MAGI1: variants seen among roughly 807,000 people sequenced by gnomAD.
MAGI1 encodes the protein membrane-associated guanylate kinase, WW and PDZ domain-containing protein 1.
MAGI1 carries 58 observed loss-of-function variants against 139.9 expected under a neutral mutation model. The ratio of observed to expected loss-of-function variants is 0.41; its 90% CI spans 0.34 to 0.52. The LOEUF (loss-of-function observed/expected upper bound fraction) is 0.52. Ranked by LOEUF, MAGI1 falls within the 20% of genes least tolerant of loss-of-function variation. The pLI is 0.12. For missense variants in MAGI1, 1,874 were observed against 1,901.6 expected, an observed-to-expected ratio of 0.99 and a Z score of 0.27; for synonymous variants, 812 against 737.9, an observed-to-expected ratio of 1.10 and a Z score of -1.63.
chr3:65,395,825 T>C (rs1432001554), intron 13 of MAGI1, among the ~76,000 whole-genome samples: 1 of 151,484 alleles, frequency 6.6e-6, no homozygotes, highest in Non-Finnish European at 1.5e-5. Context: ...ATTAATGAAT[T>C]TCAAGTGGGG....
chr3:65,636,917 C>A (rs993670458), intron 1 of MAGI1, among the ~76,000 whole-genome samples: 2 of 149,268 alleles, frequency 1.3e-5, no homozygotes, highest in Non-Finnish European at 2.9e-5. Flanking sequence ...CAAATCTTAT[C>A]CCCTCAGCAC....
chr3:66,003,454 G>C lies in MAGI1; in HGVS notation c.313+34542C>G, dbSNP rs567432502. ...GTGGATCACAAGGTTAGGAGTTCGAGACCAGCCTGGCCCAACATGGTGAAA... is the reference window on the plus strand; with the variant it reads ...GTGGATCACAAGGTTAGGAGTTCGACACCAGCCTGGCCCAACATGGTGAAA... On this transcript the variant is annotated intron_variant, in intron 1 of 22. Transcript: ENST00000402939. Among the ~76,000 whole-genome samples, 77 of 152,130 alleles carry C rather than the reference G, an allele frequency of 5.1e-4. 2 individuals carry two copies. Among genetic ancestry groups the C allele is most frequent in the Middle Eastern group, 3.4e-3 (1 of 294 alleles).
intron 3 of MAGI1, among the ~76,000 whole-genome samples, chr3:65,484,434 G>A (rs1951492565): frequency 6.6e-6 from 1 of 152,168 alleles, no homozygotes; most frequent in Non-Finnish European, 1.5e-5. Flanking sequence ...TTTCAACGGG[G>A]CAATATCACC....
At chr3:65,883,464 C>A (rs2060414432) in intron 1 of MAGI1, among the ~76,000 whole-genome samples, 2 of 152,152 alleles carry the variant, frequency 1.3e-5, no homozygotes, top group Admixed American at 6.5e-5. Context: ...ACTTGCTAGA[C>A]AAACAATTCT....
At chr3:65,656,593 C>T (rs1576620087) in intron 1 of MAGI1, among the ~76,000 whole-genome samples, 1 of 147,914 alleles carries the variant, frequency 6.8e-6, no homozygotes, top group African/African-American at 2.4e-5. Flanking sequence ...AAACTTCTTA[C>T]TCCGAGTGGG....
chr3:65,955,310 A>T lies in MAGI1; in HGVS notation c.313+82686T>A, dbSNP rs113526898. ...CACTTGAGCCCAGCAGTTCAGGGCC[A>T]GCCTGGACAACACTGCCTCTTAAAA... On this transcript the variant is annotated intron_variant, in intron 1 of 22. Transcript: ENST00000402939. 9.8e-3 allele frequency among the ~76,000 whole-genome samples: 1,494 copies of T among 152,344 alleles called. 23 individuals carry two copies. The highest frequency in any genetic ancestry group is 0.034 in the African/African-American group (1,404 of 41,578).
intron 1 of MAGI1, among the ~76,000 whole-genome samples, chr3:65,721,107 T>C (rs1161937591): frequency 6.6e-6 from 1 of 152,156 alleles, no homozygotes; most frequent in Non-Finnish European, 1.5e-5. Flanking sequence ...GGCCCTGCAG[T>C]GTAGCCTTCC....
At chr3:65,441,128 T>A (rs920534701) in intron 8 of MAGI1, among the ~76,000 whole-genome samples, 2 of 152,000 alleles carry the variant, frequency 1.3e-5, no homozygotes, top group Admixed American at 6.6e-5. Context: ...ACCCGGCTAA[T>A]TTTTGTATTT....
intron 7 of MAGI1, 74 bp from the exon 8 acceptor site, chr3:65,442,923 T>A: frequency 1.8e-6 from 2 of 1,126,228 alleles, no homozygotes. Flanking sequence ...ACAACTGAGT[T>A]AGGCAAAAAG....
intron 2 of MAGI1, among the ~76,000 whole-genome samples, chr3:65,550,704 C>T (rs2079782827): frequency 1.3e-5 from 2 of 152,046 alleles, no homozygotes; most frequent in Non-Finnish European, 2.9e-5. Flanking sequence ...ATAGCTCATG[C>T]TTACAATCCC....
chr3:65,699,407 G>T (rs1478032900), intron 1 of MAGI1, among the ~76,000 whole-genome samples: 1 of 148,262 alleles, frequency 6.7e-6, no homozygotes, highest in Non-Finnish European at 1.5e-5. Context: ...AAATCATGCT[G>T]CTGTAAAGAC....
intron 1 of MAGI1, among the ~76,000 whole-genome samples, chr3:65,864,266 C>G (rs534719636): frequency 6.6e-6 from 1 of 152,282 alleles, no homozygotes; most frequent in South Asian, 2.1e-4. Context: ...TTGGAAGATT[C>G]TTCACCAAAA....
intron 2 of MAGI1, among the ~76,000 whole-genome samples, chr3:65,503,853 A>G (rs2107711958): frequency 6.6e-6 from 1 of 152,302 alleles, no homozygotes; most frequent in Admixed American, 6.5e-5. Context: ...GAAAAGAAGA[A>G]GTTTTGAGTG....
chr3:65,359,639 A>G (rs1001126842), intron 22 of MAGI1: 3 of 990,902 alleles, frequency 3.0e-6, no homozygotes, highest in Non-Finnish European at 3.6e-6. Flanking sequence ...ATTATAACCC[A>G]TTTGTGACTC....
intron 1 of MAGI1, among the ~76,000 whole-genome samples, chr3:65,887,080 A>C (rs558888603): frequency 6.6e-6 from 1 of 152,330 alleles, no homozygotes; most frequent in Non-Finnish European, 1.5e-5. Flanking sequence ...GAATAGTCTA[A>C]GTTGAAACCA....
At chr3:65,947,174 AAG>A (rs2063581463) in intron 1 of MAGI1, among the ~76,000 whole-genome samples, 1 of 152,200 alleles carries the variant, frequency 6.6e-6, no homozygotes, top group African/African-American at 2.4e-5. Context: ...TCTTCAAGGA[AAG>A]AGGATCCTAA....
intron 10 of MAGI1, among the ~76,000 whole-genome samples, chr3:65,431,220 G>A (rs148348774): frequency 8.0e-4 from 122 of 152,254 alleles, no homozygotes; most frequent in Non-Finnish European, 1.3e-3. Flanking sequence ...CACAGAAAAT[G>A]GAACTGGTCT....
At chr3:65,378,600 A>G (rs1942765709) in intron 17 of MAGI1, among the ~76,000 whole-genome samples, 1 of 152,020 alleles carries the variant, frequency 6.6e-6, no homozygotes, top group Non-Finnish European at 1.5e-5. Context: ...AGACCTTTCG[A>G]AAGCCTTGCT....
chr3:65,845,076 C>T (rs544854122), intron 1 of MAGI1, among the ~76,000 whole-genome samples: 8 of 152,054 alleles, frequency 5.3e-5, no homozygotes, highest in African/African-American at 1.9e-4. Context: ...TATGGTGAAA[C>T]CCCGTCTCTA....
Sources: allele counts gnomAD v4.1 joint callset (sites outside exome capture counted in the v4.1 genomes callset), GRCh38; gene constraint gnomAD v4.1.1; transcripts MANE v1.5; gene names NCBI Gene and HGNC (gene_info 2026-07-23, HGNC 2026-07-21).